Variants in SEMA4D observed in about 807,000 individuals in gnomAD.
The protein encoded by SEMA4D is semaphorin 4D, also known as semaphorin-4D.
SEMA4D carries 22 observed loss-of-function variants against 74.8 expected under a neutral mutation model. The ratio of observed to expected loss-of-function variants is 0.29; its 90% CI spans 0.21 to 0.42. SEMA4D has a LOEUF of 0.42. SEMA4D is among the 10% of genes least tolerant of loss of function. SEMA4D has a pLI of 1.00. For missense variants in SEMA4D, 937 were observed against 1,118.4 expected, an observed-to-expected ratio of 0.84 and a Z score of 2.31; for synonymous variants, 445 against 463.7, an observed-to-expected ratio of 0.96 and a Z score of 0.52.
chr9:89,453,593 C>CT (rs1855164871), intron 2 of SEMA4D, among the ~76,000 whole-genome samples: 1 of 152,260 alleles, frequency 6.6e-6, no homozygotes, highest in African/African-American at 2.4e-5. Context: ...CCAGACCAAT[C>CT]TAAGCCAGGC....
chr9:89,459,172 C>G (rs1337845445), intron 1 of SEMA4D, among the ~76,000 whole-genome samples: 3 of 152,212 alleles, frequency 2.0e-5, no homozygotes, highest in Non-Finnish European at 4.4e-5. Flanking sequence ...CATACTGCGG[C>G]CTGCAGCAGA....
intron 2 of SEMA4D, among the ~76,000 whole-genome samples, chr9:89,410,034 C>G: frequency 8.3e-6 from 1 of 119,800 alleles, no homozygotes; most frequent in Non-Finnish European, 1.6e-5. Context: ...CAACGGTGTG[C>G]TGGCAAGCTG....
chr9:89,466,624 C>A (rs117240420), intron 1 of SEMA4D, among the ~76,000 whole-genome samples: 1 of 115,666 alleles, frequency 8.6e-6, no homozygotes, highest in South Asian at 2.6e-4. Context: ...CATCACTCAC[C>A]TGCATGTGCA....
rs549398636 is a variant in SEMA4D, at chr9:89,439,931, A to G, written c.-244+15957T>C. 3.8e-4 allele frequency among the ~76,000 whole-genome samples: 58 copies of G among 152,272 alleles called. 2 individuals are homozygous for G. Among genetic ancestry groups the G allele is most frequent in the Admixed American group, 3.5e-3 (53 of 15,300 alleles). On this transcript the variant is annotated intron_variant, in intron 2 of 15. Coordinates refer to ENST00000422704, the MANE Select transcript of SEMA4D (RefSeq NM_001371194.2). Reference sequence around the variant, plus strand: ...CATTCACTTACTTTAGCCCACAAACATGCCATATAGTCATTCTACATTGGC... The same window carrying G: ...CATTCACTTACTTTAGCCCACAAACGTGCCATATAGTCATTCTACATTGGC...
intron 6 of SEMA4D, 23 bp from the exon 7 acceptor site, chr9:89,393,678 C>G (rs747090039): frequency 1.3e-6 from 2 of 1,547,454 alleles, no homozygotes; most frequent in South Asian, 1.1e-5. Context: ...AAAAAGAGAG[C>G]ACATCATCAG....
intron 4 of SEMA4D, among the ~76,000 whole-genome samples, chr9:89,401,095 C>T (rs546232665): frequency 6.6e-6 from 1 of 152,254 alleles, no homozygotes; most frequent in South Asian, 2.1e-4. Context: ...CGCTCTGTTG[C>T]CCAGGCTGGA....
At chr9:89,466,708 A>G (rs17054916) in intron 1 of SEMA4D, among the ~76,000 whole-genome samples, 130,149 of 152,202 alleles carry the variant, frequency 0.86, 56,503 homozygotes, top group Non-Finnish European at 0.93. Context: ...AACCCAGCAC[A>G]TGGAAACATG....
Position 89,450,530 on chromosome 9 carries a change from G to T in SEMA4D, c.-244+5358C>A, listed in dbSNP as rs73488233. ...TTGCCCAGTTTAAATTTACAGTTCT[G>T]CTCCTGCCCAATGGCCCCATGCAGA... On this transcript the variant is annotated intron_variant, in intron 2 of 15. Coordinates refer to ENST00000422704, the MANE Select transcript of SEMA4D (RefSeq NM_001371194.2). The T allele has an allele frequency of 2.5e-3, 2,995 of 1,176,964 alleles. 48 individuals are homozygous for T. In the African/African-American group the frequency reaches 0.039, roughly 15 times the overall value. 72.9% of individuals were successfully genotyped at this position (1,176,964 alleles called of 1,614,324 possible).
intron 3 of SEMA4D, among the ~76,000 whole-genome samples, chr9:89,404,191 A>T (rs1391066662): frequency 6.6e-6 from 1 of 152,208 alleles, no homozygotes; most frequent in Non-Finnish European, 1.5e-5. Context: ...AGGAAAGGAA[A>T]GTAGCTGGCA....
intron 16 of SEMA4D, chr9:89,367,645 CT>C (rs1176032154): frequency 1.3e-5 from 2 of 152,282 alleles, no homozygotes; most frequent in African/African-American, 4.8e-5. Flanking sequence ...ATATTTCCCC[CT>C]GGCCCTTCCT....
intron 2 of SEMA4D, among the ~76,000 whole-genome samples, chr9:89,447,012 G>GGGTC (rs1261854782): frequency 6.6e-6 from 1 of 152,080 alleles, no homozygotes; most frequent in Non-Finnish European, 1.5e-5. Flanking sequence ...CTATCCTTGT[G>GGGTC]GATCTGTCCA....
intron 13 of SEMA4D, among the ~76,000 whole-genome samples, chr9:89,383,976 C>T (rs1286010946): frequency 6.6e-6 from 1 of 152,136 alleles, no homozygotes; most frequent in Non-Finnish European, 1.5e-5. Flanking sequence ...ACCCCGAGGG[C>T]AGGTTGGAGT....
intron 9 of SEMA4D, 125 bp from the exon 10 acceptor site, chr9:89,389,172 G>A (rs553032942): frequency 3.3e-4 from 306 of 936,984 alleles, no homozygotes; most frequent in African/African-American, 2.4e-3. Flanking sequence ...AACAAAGCTC[G>A]GGCAACAGGA....
intron 1 of SEMA4D, chr9:89,479,976 G>A (rs1278547595): frequency 6.6e-6 from 1 of 152,152 alleles, no homozygotes; most frequent in Non-Finnish European, 1.5e-5. Context: ...GGCCTGTTTT[G>A]TCAGGGCGCT....
chr9:89,412,227 A>T (rs1844691574), intron 2 of SEMA4D, among the ~76,000 whole-genome samples: 1 of 152,226 alleles, frequency 6.6e-6, no homozygotes, highest in African/African-American at 2.4e-5. Flanking sequence ...GACAAAGGTA[A>T]GGAGCCAAGA....
At chr9:89,375,310 T>C (rs1835641130), downstream of SEMA4D, among the ~76,000 whole-genome samples, 1 of 152,164 alleles carries the variant, frequency 6.6e-6, no homozygotes, top group Non-Finnish European at 1.5e-5. Context: ...CATTCAGCTG[T>C]GAGAGCGGCC....
exon 19 of SEMA4D, chr9:89,362,303 C>A (rs1250647685): frequency 6.2e-7 from 1 of 1,603,728 alleles, no homozygotes; most frequent in African/African-American, 1.3e-5. Flanking sequence ...AGACAGTTCA[C>A]AGTTGTGGGG....
intron 1 of SEMA4D, among the ~76,000 whole-genome samples, chr9:89,464,402 G>T (rs1858127136): frequency 6.6e-6 from 1 of 152,146 alleles, no homozygotes; most frequent in Admixed American, 6.5e-5. Flanking sequence ...AGTTGGGGGT[G>T]GGGGGCAACA....
At chr9:89,495,626 G>A (rs1432895215) in intron 1 of SEMA4D, among the ~76,000 whole-genome samples, 3 of 152,166 alleles carry the variant, frequency 2.0e-5, no homozygotes, top group Admixed American at 6.5e-5. Context: ...CCCTGGTTGG[G>A]AACAGCAGGC....
Sources: gnomAD v4.1 joint callset for allele counts (sites outside exome capture counted in the v4.1 genomes callset) on GRCh38, gnomAD v4.1.1 for gene constraint, MANE v1.5 for transcripts, NCBI Gene and HGNC (gene_info 2026-07-23, HGNC 2026-07-21) for gene names.